The following SCN3A variants were observed in gnomAD, a reference collection of about 807,000 sequenced individuals.
The protein encoded by SCN3A is sodium channel protein type 3 subunit alpha.
SCN3A carries 60 observed loss-of-function variants against 187.6 expected under a neutral mutation model. That is an observed-to-expected ratio of 0.32 (90% CI 0.26 to 0.40). The LOEUF is 0.40. SCN3A is among the 10% of genes least tolerant of loss of function. The pLI, the probability that SCN3A is intolerant of heterozygous loss-of-function variation, is 1.00. For synonymous variants in SCN3A, 788 were observed against 829.2 expected (o/e 0.95, Z 0.85); for missense variants, 1,601 against 2,428.2 (o/e 0.66, Z 7.16).
At chr2:165,113,767 T>G (rs746154826) in intron 20 of SCN3A, 49 bp downstream of exon 20, 22 of 1,584,672 alleles carry the variant, frequency 1.4e-5, no homozygotes, top group Admixed American at 3.3e-5. Flanking sequence ...TTTTGGAGAA[T>G]AAACTATTTC....
At chr2:165,096,554 A>G in intron 23 of SCN3A, 34 bp from the exon 24 acceptor site, 1 of 1,498,656 alleles carries the variant, frequency 6.7e-7, no homozygotes, top group South Asian at 1.1e-5. Flanking sequence ...TGTTCATAAA[A>G]ATTTCACCTA....
intron 18 of SCN3A, among the ~76,000 whole-genome samples, chr2:165,125,491 TA>T (rs1245101253): frequency 6.6e-6 from 1 of 151,970 alleles, no homozygotes; most frequent in East Asian, 1.9e-4. Flanking sequence ...TTTATTTATT[TA>T]TTTTTTAGTA....
At chr2:165,096,428 A>T in intron 24 of SCN3A, 39 bp downstream of exon 24, 1 of 1,521,212 alleles carries the variant, frequency 6.6e-7, no homozygotes, top group Non-Finnish European at 9.1e-7. Context: ...TCACCATAAG[A>T]AATCTAGAAC....
chr2:165,110,211 A>G (rs776199829), intron 21 of SCN3A, among the ~76,000 whole-genome samples: 2 of 152,092 alleles, frequency 1.3e-5, no homozygotes, highest in Admixed American at 6.5e-5. Context: ...CTCTCCTCCA[A>G]TAGAGTGTAA....
chr2:165,146,808 T>G lies in SCN3A; in HGVS notation c.1602A>C (p.Arg534Ser), dbSNP rs141748745. Residue 534 changes from arginine to serine, a missense_variant, in exon 12 of 28, where the codon AGA becomes AGC. This residue lies in a region of SCN3A where 376 missense variants were observed against 476.0 expected (regional missense o/e 0.79). Transcript: ENST00000283254. ...PKSESEDSVKRSSFLFSMDGN... is the reference protein window; with the variant it reads ...PKSESEDSVKSSSFLFSMDGN... ...CATCCATGGAGAAAAGGAAGCTGCT[T>G]CTTTTGACGCTGTCTTCAGATTCGG... 2.3e-4 allele frequency: 377 copies of G among 1,614,098 alleles called. 4 individuals carry two copies. In the East Asian group the frequency reaches 8.0e-3, roughly 34 times the overall value.
chr2:165,144,128 G>GT (rs1320001690), intron 12 of SCN3A, among the ~76,000 whole-genome samples: 1 of 152,094 alleles, frequency 6.6e-6, no homozygotes, highest in Non-Finnish European at 1.5e-5. Context: ...GATTTGAGCA[G>GT]TATTTACTGT....
chr2:165,120,231 A>G (rs972164895), intron 18 of SCN3A, among the ~76,000 whole-genome samples: 1 of 152,050 alleles, frequency 6.6e-6, no homozygotes, highest in African/African-American at 2.4e-5. Context: ...GTACCTGAAT[A>G]TGAAGTTTTC....
Position 165,089,907 on chromosome 2 carries a change from G to T in SCN3A, c.*243C>A, listed in dbSNP as rs1684994267. ...TATCCCTATAGTCTAGGTAGCCATT[G>T]GGTTTCTCCTCAGCAGTGTCAGCTG... is the stretch of plus-strand genomic sequence containing the variant. On this transcript the variant is annotated 3_prime_UTR_variant, in exon 28 of 28. Transcript: ENST00000283254. The T allele has an allele frequency of 7.5e-6, 4 of 532,478 alleles. No homozygotes were observed. The highest frequency in any genetic ancestry group is 1.3e-5 in the Non-Finnish European group (4 of 299,134). The allele number at this position is 532,478 out of a possible 1,614,324, so 33.0% of individuals were successfully genotyped here.
At chr2:165,137,321 C>T (rs1348094262) in intron 15 of SCN3A, among the ~76,000 whole-genome samples, 1 of 152,110 alleles carries the variant, frequency 6.6e-6, no homozygotes, top group Admixed American at 6.6e-5. Flanking sequence ...TACTTGTTCA[C>T]CCATTTTGAT....
rs765539152 is a variant in SCN3A at position 165,146,868 on chromosome 2, T to G, written c.1542A>C (p.Gly514=). 4.3e-6 allele frequency: 7 copies of G among 1,614,076 alleles called. No homozygotes were observed. In the East Asian group the frequency reaches 1.1e-4, roughly 26 times the overall value. The part of the protein sequence containing the change: ...KKRRQREHLE[G]NNKGERDSFP... The stretch of plus-strand genomic sequence containing the variant: ...AGCTGTCTCTCTCTCCTTTGTTGTT[T>G]CCTTCAAGGTGCTCTCTCTGTCTTC... The change falls in exon 12 of 28, where the codon GGA becomes GGC. Residue 514 remains glycine (G), a synonymous_variant. Transcript: ENST00000283254.
In SCN3A at chr2:165,138,136, G is replaced by T. The variant is rs1687781305; in HGVS notation, c.2153-19C>A. ...TCAAGTTCTGGAGGGACAATAACAA[G>T]GAAGAGTAGTAAATAACAACAAAAA... is the stretch of plus-strand genomic sequence containing the variant. On this transcript the variant is annotated intron_variant, in intron 14 of 27. Transcript: ENST00000283254. 1.3e-6 allele frequency: 2 copies of T among 1,557,028 alleles called. No individual in the cohort carries two copies. The highest frequency in any genetic ancestry group is 2.7e-5 in the African/African-American group (2 of 73,868).
chr2:165,095,674 A>T, intron 24 of SCN3A, 26 bp from the exon 25 acceptor site: 1 of 1,177,440 alleles, frequency 8.5e-7, no homozygotes, highest in Non-Finnish European at 1.3e-6. Context: ...AATATTAAAT[A>T]ATATGAAAAA....
rs184159078 is a variant in SCN3A, at chr2:165,130,376, A to G, written c.2566-80T>C. The G allele has an allele frequency of 1.8e-5, 26 of 1,433,508 alleles. No homozygotes were observed. The Admixed American group carries it at 4.0e-4, about 22-fold the overall frequency. 88.8% of individuals were successfully genotyped at this position (1,433,508 alleles called of 1,614,324 possible). On this transcript the variant is annotated intron_variant, in intron 16 of 27. Transcript: ENST00000283254. Reference sequence around the variant, plus strand: ...TTATTTTATTAGTATGTGGTATCATAGAACCACACGTGGTAGATGTAAAAA... The same window carrying G: ...TTATTTTATTAGTATGTGGTATCATGGAACCACACGTGGTAGATGTAAAAA...
chr2:165,104,516 C>A (rs1363053736), intron 21 of SCN3A, among the ~76,000 whole-genome samples: 3 of 145,604 alleles, frequency 2.1e-5, no homozygotes, highest in African/African-American at 7.6e-5. Context: ...AACTAATGGA[C>A]AAAGAAACAA....
At position 165,140,358 on chromosome 2, in the gene SCN3A, G is replaced by A. The variant is rs59742673; in HGVS notation, c.2019+293C>T. The stretch of plus-strand genomic sequence containing the variant: ...GGTGAAAATGTCCATTATTTGTCTC[G>A]GTAGGTCTACCAAATTTGCAGATAT... On this transcript the variant is annotated intron_variant, in intron 13 of 27. Transcript: ENST00000283254. The surrounding 1 kb of genome is among the most constrained non-coding windows in gnomAD (Gnocchi z 4.2). 4.9e-4 allele frequency among the ~76,000 whole-genome samples: 75 copies of A among 151,574 alleles called. 1 individual carries two copies. The East Asian group carries it at 0.014, about 28-fold the overall frequency.
chr2:165,198,142 GCA>G (rs1190851144), intron 1 of SCN3A, among the ~76,000 whole-genome samples: 1 of 151,080 alleles, frequency 6.6e-6, no homozygotes, highest in Non-Finnish European at 1.5e-5. Context: ...AAATAACATA[GCA>G]GAAACAAGAT....
chr2:165,158,224 C>T (rs1279620736), intron 9 of SCN3A, among the ~76,000 whole-genome samples: 1 of 93,418 alleles, frequency 1.1e-5, no homozygotes, highest in Non-Finnish European at 1.9e-5. Flanking sequence ...TTGGAAACAA[C>T]TTTATCAACT....
At chr2:165,144,234 G>A (rs1223785454) in intron 12 of SCN3A, among the ~76,000 whole-genome samples, 3 of 152,018 alleles carry the variant, frequency 2.0e-5, no homozygotes, top group Non-Finnish European at 4.4e-5. Flanking sequence ...ACCGTTTATG[G>A]TACATTTCTG....
intron 18 of SCN3A, among the ~76,000 whole-genome samples, chr2:165,126,916 AG>A (rs1260652627): frequency 6.6e-6 from 1 of 152,230 alleles, no homozygotes; most frequent in Non-Finnish European, 1.5e-5. Flanking sequence ...AGACTTTCAG[AG>A]GTTAACAAAA....
Sources: allele counts gnomAD v4.1 joint callset (sites outside exome capture counted in the v4.1 genomes callset), GRCh38; gene constraint gnomAD v4.1.1; regional missense constraint gnomAD v4.1.1; non-coding constraint Gnocchi (gnomAD v3.1); transcripts MANE v1.5; gene names NCBI Gene and HGNC (gene_info 2026-07-23, HGNC 2026-07-21).